ARHGEF6: variants seen among roughly 807,000 people sequenced by gnomAD.
The protein encoded by ARHGEF6 is rho guanine nucleotide exchange factor 6.
Under a neutral mutation model 70.3 loss-of-function variants are expected in ARHGEF6, and 9 were observed. The ratio of observed to expected loss-of-function variants is 0.13; its 90% confidence interval spans 0.08 to 0.22. The LOEUF is 0.22. Ranked by LOEUF, ARHGEF6 falls within the 10% of genes least tolerant of loss-of-function variation. The pLI, the probability that ARHGEF6 is intolerant of heterozygous loss-of-function variation, is 1.00. For synonymous variants in ARHGEF6, 201 were observed against 207.8 expected, an observed-to-expected ratio of 0.97 and a Z score of 0.28; for missense variants, 470 against 563.0, an observed-to-expected ratio of 0.83 and a Z score of 1.67.
chrX:136,694,241 T>A (rs895175065), intron 9 of ARHGEF6, among the ~76,000 whole-genome samples: 1 of 111,175 alleles, frequency 9.0e-6, no homozygotes, highest in African/African-American at 3.3e-5. Flanking sequence ...TTAGTAGAGA[T>A]GGGGTTTCAC....
intron 17 of ARHGEF6, among the ~76,000 whole-genome samples, 169 bp downstream of exon 17, chrX:136,677,767 C>A (rs2076295012): frequency 9.0e-6 from 1 of 111,332 alleles, no homozygotes; most frequent in African/African-American, 3.3e-5. Context: ...GTATTTCACA[C>A]AAGCCTGCTT....
intron 2 of ARHGEF6, among the ~76,000 whole-genome samples, chrX:136,758,026 A>G (rs376819848): frequency 2.0e-4 from 13 of 65,743 alleles, no homozygotes; most frequent in African/African-American, 8.3e-4. Context: ...TGCTAAAAAT[A>G]AATTCTTTTT....
chrX:136,750,237 C>T (rs999590931), intron 2 of ARHGEF6, among the ~76,000 whole-genome samples: 1 of 112,161 alleles, frequency 8.9e-6, no homozygotes, highest in Non-Finnish European at 1.9e-5. Flanking sequence ...TTTATACATC[C>T]AAAATAGAGA....
At chrX:136,679,452 T>C (rs1421728662) in intron 16 of ARHGEF6, 83 bp downstream of exon 16, 3 of 1,095,778 alleles carry the variant, frequency 2.7e-6, no homozygotes, top group Admixed American at 4.4e-5. Flanking sequence ...TCTTAAATTC[T>C]AGCACATTCC....
chrX:136,770,004 A>G (rs141616996), intron 2 of ARHGEF6, among the ~76,000 whole-genome samples: 2 of 112,754 alleles, frequency 1.8e-5, no homozygotes, highest in African/African-American at 6.5e-5. Context: ...TTTAGCAAAC[A>G]TTAAAGACAA....
intron 10 of ARHGEF6, among the ~76,000 whole-genome samples, chrX:136,689,573 C>T (rs2076438176): frequency 8.9e-6 from 1 of 112,073 alleles, no homozygotes; most frequent in South Asian, 3.7e-4. Flanking sequence ...ACTGAAATTT[C>T]ACACTGACAG....
chrX:136,760,813 A>G (rs1232157319), intron 2 of ARHGEF6, among the ~76,000 whole-genome samples: 2 of 112,041 alleles, frequency 1.8e-5, no homozygotes, highest in Non-Finnish European at 3.8e-5. Context: ...CTTAACTTAA[A>G]CGATCATCTT....
intron 16 of ARHGEF6, among the ~76,000 whole-genome samples, chrX:136,678,620 A>G (rs1303014064): frequency 8.9e-6 from 1 of 111,874 alleles, no homozygotes; most frequent in Non-Finnish European, 1.9e-5. Context: ...TGGTAGCAAC[A>G]ATTAATCGAA....
intron 5 of ARHGEF6, among the ~76,000 whole-genome samples, chrX:136,732,916 G>A (rs1253184469): frequency 9.0e-6 from 1 of 111,214 alleles, no homozygotes; most frequent in African/African-American, 3.3e-5. Flanking sequence ...ATAAGTAATG[G>A]CAAGCATACT....
chrX:136,668,843 G>A (rs1269443390), intron 21 of ARHGEF6, among the ~76,000 whole-genome samples: 1 of 110,953 alleles, frequency 9.0e-6, no homozygotes, highest in Non-Finnish European at 1.9e-5. Context: ...CTGGGAAGAA[G>A]CTTCATCTTT....
At chrX:136,734,517 T>G (rs1181354335) in intron 5 of ARHGEF6, among the ~76,000 whole-genome samples, 1 of 111,618 alleles carries the variant, frequency 9.0e-6, no homozygotes, top group African/African-American at 3.3e-5. Flanking sequence ...AATTTAAAAC[T>G]CTGAAAAAGG....
At chrX:136,676,873 A>C in intron 17 of ARHGEF6, 156 bp from the exon 18 acceptor site, 1 of 474,996 alleles carries the variant, frequency 2.1e-6, no homozygotes, top group Non-Finnish European at 3.8e-6. Context: ...AAATGGTTCC[A>C]ATAAACTCTA....
chrX:136,667,786 T>C lies in ARHGEF6; in HGVS notation c.*243A>G. ...ATCTCTACCACCACTTCCTGCTTTT[T>C]CACCTGTTGAAAAAAAAAATGAACA... is the stretch of plus-strand genomic sequence containing the variant. On this transcript the variant is annotated 3_prime_UTR_variant, in exon 22 of 22. Coordinates refer to ENST00000250617, the MANE Select transcript of ARHGEF6 (RefSeq NM_004840.3). The C allele has an allele frequency of 2.4e-6, 1 of 420,896 alleles. No individual in the cohort carries two copies. The highest frequency in any genetic ancestry group is 4.1e-6 in the Non-Finnish European group (1 of 241,765). 34.7% of individuals were successfully genotyped at this position (420,896 alleles called of 1,213,427 possible). A position where few individuals can be genotyped will look rare whatever the true frequency, so the allele number is the denominator to read the frequency against.
Position 136,732,085 on chromosome X carries a change from A to G in ARHGEF6, c.732+17T>C, listed in dbSNP as rs2076940953. ...TATAGAGTCAAGAAAATTTTTATTC[A>G]TCATCTGAACACTTACCACAGTATA... is the stretch of plus-strand genomic sequence containing the variant. On this transcript the variant is annotated intron_variant, in intron 6 of 21. Transcript: ENST00000250617. 8.4e-7 allele frequency: 1 copy of G among 1,183,781 alleles called. No individual in the cohort carries two copies. The highest frequency in any genetic ancestry group is 1.8e-5 in the African/African-American group (1 of 56,782).
At chrX:136,763,847 AAAG>A (rs1402377290) in intron 2 of ARHGEF6, among the ~76,000 whole-genome samples, 2 of 111,334 alleles carry the variant, frequency 1.8e-5, no homozygotes, top group Non-Finnish European at 3.8e-5. Context: ...GAAATAAAAT[AAAG>A]AAGATCAGGC....
chrX:136,755,161 T>C (rs781437777), intron 2 of ARHGEF6, among the ~76,000 whole-genome samples: 1 of 112,274 alleles, frequency 8.9e-6, no homozygotes, highest in African/African-American at 3.2e-5. Flanking sequence ...GTGTCCCTAA[T>C]AATCACTTAA....
In ARHGEF6 at chrX:136,710,849, A is replaced by C. The variant is rs776335347; in HGVS notation, c.828-2079T>G. 1.2e-4 allele frequency among the ~76,000 whole-genome samples: 13 copies of C among 112,133 alleles called. No homozygotes were observed. In the East Asian group the frequency reaches 3.1e-3, roughly 27 times the overall value. On this transcript the variant is annotated intron_variant, in intron 7 of 21. Coordinates refer to ENST00000250617, the MANE Select transcript of ARHGEF6 (RefSeq NM_004840.3). ...TCCCATCAAAAAGCAGGCAAATGAC[A>C]TGAACACACACTTCTTAAAAGAAGA...
chrX:136,758,310 G>A (rs1015895019), intron 2 of ARHGEF6, among the ~76,000 whole-genome samples: 1 of 109,344 alleles, frequency 9.1e-6, no homozygotes, highest in Non-Finnish European at 1.9e-5. Flanking sequence ...CTCGGCCTCC[G>A]AAAGTGCTGG....
intron 9 of ARHGEF6, among the ~76,000 whole-genome samples, chrX:136,698,407 A>G (rs1258126301): frequency 1.8e-5 from 2 of 111,727 alleles, no homozygotes; most frequent in Admixed American, 1.9e-4. Context: ...CCACACATAC[A>G]AGAAGCTCAA....
Sources: allele counts gnomAD v4.1 joint callset (sites outside exome capture counted in the v4.1 genomes callset), GRCh38; gene constraint gnomAD v4.1.1; transcripts MANE v1.5; gene names NCBI Gene and HGNC (gene_info 2026-07-23, HGNC 2026-07-21).